Variants in HNRNPL observed in about 807,000 individuals in gnomAD.
HNRNPL encodes the protein heterogeneous nuclear ribonucleoprotein L.
HNRNPL carries 12 observed loss-of-function variants against 64.0 expected under a neutral mutation model. That is an observed-to-expected ratio of 0.19 (90% CI 0.12 to 0.30). HNRNPL has a LOEUF of 0.30. Among genes scored for constraint, HNRNPL ranks in the 10% least tolerant of loss-of-function variants. The pLI, the probability that HNRNPL is intolerant of heterozygous loss-of-function variation, is 1.00. For missense variants in HNRNPL, 484 were observed against 797.4 expected, an observed-to-expected ratio of 0.61 and a Z score of 4.73; for synonymous variants, 385 against 313.0, an observed-to-expected ratio of 1.23 and a Z score of -2.43.
At chr19:38,841,293 A>C (rs1972109716) in intron 6 of HNRNPL, 1 of 329,986 alleles carries the variant, frequency 3.0e-6, no homozygotes, top group South Asian at 2.4e-5. Context: ...ACAGCTTCTG[A>C]AATTCCTCAC....
Position 38,846,210 on chromosome 19 carries a change from T to C in HNRNPL, c.387-120A>G, listed in dbSNP as rs1338900716. The C allele has an allele frequency of 2.9e-5, 23 of 786,992 alleles. No homozygotes were observed. In the East Asian group the frequency reaches 3.7e-4, roughly 13 times the overall value. The allele number at this position is 786,992 out of a possible 1,614,324, so 48.8% of individuals were successfully genotyped here. A position where few individuals can be genotyped will look rare whatever the true frequency, so the allele number is the denominator to read the frequency against. On this transcript the variant is annotated intron_variant, in intron 2 of 12. Transcript: ENST00000221419. ...TCTGAACTCCTCTGCAACCCTATCA[T>C]GGTTCCCCGACCTGAACACCCTGTG...
chr19:38,845,391 A>G, intron 4 of HNRNPL: 1 of 465,234 alleles, frequency 2.1e-6, no homozygotes, highest in East Asian at 3.9e-5. Context: ...ATAAGTAAAT[A>G]ACAGAAAGAA....
In HNRNPL at chr19:38,849,937, C is replaced by A. The variant is rs777234145; in HGVS notation, c.30G>T (p.Glu10Asp). The part of the protein sequence containing the change: MSRRLLPRA[E>D]KRRRRLEQRQ... ...TCTGCTCCAGCCGCCGACGCCGCTT[C>A]TCCGCCCGGGGCAGCAGCCTCCGCG... Residue 10 changes from glutamate to aspartate, a missense_variant, in exon 1 of 13, where the codon GAG becomes GAT. By Grantham distance (45) the Glu-to-Asp change is conservative. This residue lies in a region of HNRNPL where 190 missense variants were observed against 160.1 expected (regional missense o/e 1.19). Transcript: ENST00000221419. 7 of 1,378,726 alleles carry A rather than the reference C, an allele frequency of 5.1e-6. No individual in the cohort carries two copies. The South Asian group carries it at 1.0e-4, about 20-fold the overall frequency. 85.4% of individuals were successfully genotyped at this position (1,378,726 alleles called of 1,614,324 possible).
chr19:38,837,025 TCTCCCA>T, intron 12 of HNRNPL: 1 of 545,346 alleles, frequency 1.8e-6, no homozygotes, highest in Non-Finnish European at 3.2e-6. Context: ...GCAATGGGCC[TCTCCCA>T]GCAACTGGGT....
rs868441259 is a variant in HNRNPL, at chr19:38,849,426, C to A, written c.267+274G>T. 10 of 380,972 alleles carry A rather than the reference C, an allele frequency of 2.6e-5. No homozygotes were observed. The Middle Eastern group carries it at 2.0e-3, about 77-fold the overall frequency. The allele number at this position is 380,972 out of a possible 1,614,324, so 23.6% of individuals were successfully genotyped here. On this transcript the variant is annotated intron_variant, in intron 1 of 12. Coordinates refer to ENST00000221419, the MANE Select transcript of HNRNPL (RefSeq NM_001533.3). ...CCGGGCCGCGTGCCCGGCCCCCACA[C>A]GCCAGCCCGCGGCGCCTGCGCACTG...
At chr19:38,850,264 A>G (rs1972467202), upstream of HNRNPL, 2 of 336,084 alleles carry the variant, frequency 6.0e-6, no homozygotes, top group Non-Finnish European at 1.1e-5. Context: ...CCTCCCTAAA[A>G]GCACCTGATA....
chr19:38,837,071 C>G (rs1011650970), intron 12 of HNRNPL: 31 of 546,902 alleles, frequency 5.7e-5, no homozygotes, highest in Admixed American at 1.0e-4. Flanking sequence ...GATAGTGTTG[C>G]CTCTTTCCTA....
intron 6 of HNRNPL, chr19:38,842,205 C>A (rs1187725636): frequency 2.1e-5 from 3 of 140,112 alleles, no homozygotes; most frequent in African/African-American, 8.1e-5. Context: ...AGAAAAAAAA[C>A]AAGGCCCTCC....
intron 1 of HNRNPL, among the ~76,000 whole-genome samples, chr19:38,848,899 C>T (rs995616985): frequency 1.3e-5 from 2 of 152,220 alleles, no homozygotes; most frequent in African/African-American, 4.8e-5. Context: ...CTGGAAAACC[C>T]TGCAAATAGG....
intron 8 of HNRNPL, 142 bp downstream of exon 8, chr19:38,839,954 A>G (rs1972054673): frequency 4.2e-6 from 3 of 719,598 alleles, no homozygotes; most frequent in African/African-American, 1.8e-5. Flanking sequence ...CCCGTCTGCA[A>G]GCAGGCTGCC....
Position 38,849,950 on chromosome 19 carries a change from A to C in HNRNPL, c.17T>G (p.Leu6Arg). MSRRL[L>R]PRAEKRRRRL... ...CCGACGCCGCTTCTCCGCCCGGGGC[A>C]GCAGCCTCCGCGACATGGCGGCGCA... Residue 6 changes from leucine (L) to arginine (R), a missense_variant, in exon 1 of 13, where the codon CTG becomes CGG. Leu to Arg is a moderately radical substitution (Grantham distance 102, BLOSUM62 -2). Transcript: ENST00000221419. 1 of 1,356,622 alleles carries C rather than the reference A, an allele frequency of 7.4e-7. No homozygotes were observed. Among genetic ancestry groups the C allele is most frequent in the Non-Finnish European group, 9.6e-7 (1 of 1,045,184 alleles). The allele number at this position is 1,356,622 out of a possible 1,614,324, so 84.0% of individuals were successfully genotyped here.
At chr19:38,846,790 C>A (rs887933994) in intron 2 of HNRNPL, among the ~76,000 whole-genome samples, 7 of 152,122 alleles carry the variant, frequency 4.6e-5, no homozygotes, top group African/African-American at 1.7e-4. Flanking sequence ...CGCCTGTGGT[C>A]CCAGCTACTC....
At chr19:38,840,833 G>T in intron 6 of HNRNPL, 1 of 473,386 alleles carries the variant, frequency 2.1e-6, no homozygotes, top group East Asian at 4.0e-5. Flanking sequence ...ACCTACCCTG[G>T]CCCTGGGAGA....
intron 2 of HNRNPL, among the ~76,000 whole-genome samples, chr19:38,846,765 G>A (rs998654675): frequency 3.3e-5 from 5 of 152,074 alleles, no homozygotes; most frequent in Non-Finnish European, 5.9e-5. Context: ...AAAATTAGCC[G>A]GGTGGGGTGG....
intron 1 of HNRNPL, among the ~76,000 whole-genome samples, 171 bp downstream of exon 1, chr19:38,849,529 T>C (rs995457791): frequency 1.1e-4 from 17 of 152,050 alleles, no homozygotes; most frequent in African/African-American, 4.1e-4. Context: ...CAGGCGCCTG[T>C]CCTCGCGCAA....
chr19:38,846,156 A>G, intron 2 of HNRNPL, 66 bp from the exon 3 acceptor site: 1 of 1,240,658 alleles, frequency 8.1e-7, no homozygotes, highest in Non-Finnish European at 1.2e-6. Flanking sequence ...GTATCATTTG[A>G]TTTTTTGAGA....
chr19:38,846,302 G>C (rs948647142), intron 2 of HNRNPL, among the ~76,000 whole-genome samples: 4 of 152,092 alleles, frequency 2.6e-5, no homozygotes, highest in African/African-American at 9.7e-5. Flanking sequence ...AAGCCTTCCT[G>C]ACCTCTCCTC....
chr19:38,851,649 A>G (rs922365198), upstream of HNRNPL, among the ~76,000 whole-genome samples: 8 of 152,188 alleles, frequency 5.3e-5, no homozygotes, highest in Non-Finnish European at 8.8e-5. Flanking sequence ...CTGTAATCCC[A>G]GCACTTGGGG....
At chr19:38,845,791 G>A (rs949813402) in intron 3 of HNRNPL, 56 bp from the exon 4 acceptor site, 3 of 1,598,774 alleles carry the variant, frequency 1.9e-6, no homozygotes, top group Non-Finnish European at 2.6e-6. Context: ...GTCTGGCTTG[G>A]GGGAGGGAAT....
Sources: gnomAD v4.1 joint callset for allele counts (sites outside exome capture counted in the v4.1 genomes callset) on GRCh38, gnomAD v4.1.1 for gene constraint, gnomAD v4.1.1 regional missense constraint, MANE v1.5 for transcripts, NCBI Gene and HGNC (gene_info 2026-07-23, HGNC 2026-07-21) for gene names.